NKAIN2: variants seen among roughly 807,000 people sequenced by gnomAD.
NKAIN2 encodes the protein sodium/potassium transporting ATPase interacting 2, also known as sodium/potassium-transporting ATPase subunit beta-1-interacting protein 2.
NKAIN2 carries 14 observed loss-of-function variants against 32.6 expected under a neutral mutation model. That is an observed-to-expected ratio of 0.43 (90% CI 0.28 to 0.67). NKAIN2 has a LOEUF of 0.67. Ranked by LOEUF, NKAIN2 falls within the 30% of genes least tolerant of loss-of-function variation. The pLI, the probability that NKAIN2 is intolerant of heterozygous loss-of-function variation, is 0.17. For missense variants in NKAIN2, 198 were observed against 258.3 expected, an observed-to-expected ratio of 0.77 and a Z score of 1.60; for synonymous variants, 80 against 87.2, an observed-to-expected ratio of 0.92 and a Z score of 0.46.
At chr6:124,531,716 G>T (rs982471878) in intron 3 of NKAIN2, among the ~76,000 whole-genome samples, 3 of 151,938 alleles carry the variant, frequency 2.0e-5, no homozygotes, top group Non-Finnish European at 4.4e-5. Context: ...ACTCTGTTGC[G>T]CAGGCTGGAG....
chr6:123,826,322 A>C (rs1295699848), intron 1 of NKAIN2, among the ~76,000 whole-genome samples: 1 of 152,206 alleles, frequency 6.6e-6, no homozygotes, highest in East Asian at 1.9e-4. Flanking sequence ...TTATTAAGAC[A>C]AGATCTGGAG....
intron 1 of NKAIN2, among the ~76,000 whole-genome samples, chr6:124,128,186 A>C (rs144529891): frequency 6.6e-6 from 1 of 152,034 alleles, no homozygotes; most frequent in Non-Finnish European, 1.5e-5. Flanking sequence ...TTTTCTCCTA[A>C]CAAACCAGGT....
Position 124,405,117 on chromosome 6 carries a change from C to T in NKAIN2, c.273+49770C>T, listed in dbSNP as rs115647709. ...CTTACCTGTTCAGTAAAAATGGTTG[C>T]AGATCAGATTGGAAGAATTTTCTAA... On this transcript the variant is annotated intron_variant, in intron 3 of 6. Coordinates refer to ENST00000368417, the MANE Select transcript of NKAIN2 (RefSeq NM_001040214.3). 4.6e-3 allele frequency among the ~76,000 whole-genome samples: 699 copies of T among 152,230 alleles called. 3 individuals carry two copies. Among genetic ancestry groups the T allele is most frequent in the African/African-American group, 0.016 (656 of 41,542 alleles).
At chr6:124,223,821 T>TA (rs1241468708) in intron 1 of NKAIN2, among the ~76,000 whole-genome samples, 3 of 152,184 alleles carry the variant, frequency 2.0e-5, no homozygotes, top group African/African-American at 7.2e-5. Flanking sequence ...TTGAGATAGT[T>TA]ACCACCTATT....
At chr6:124,351,004 T>A (rs1798701442) in intron 2 of NKAIN2, among the ~76,000 whole-genome samples, 1 of 151,908 alleles carries the variant, frequency 6.6e-6, no homozygotes, top group African/African-American at 2.4e-5. Context: ...AGTAAATAAA[T>A]AAATAAAAAT....
intron 1 of NKAIN2, among the ~76,000 whole-genome samples, chr6:124,240,253 A>G (rs765655018): frequency 2.8e-4 from 42 of 152,190 alleles, no homozygotes; most frequent in Non-Finnish European, 5.3e-4. Flanking sequence ...GCAGTAATTA[A>G]TAGCCTATTA....
At chr6:124,158,542 A>C (rs1460374578) in intron 1 of NKAIN2, among the ~76,000 whole-genome samples, 1 of 152,172 alleles carries the variant, frequency 6.6e-6, no homozygotes, top group Admixed American at 6.5e-5. Context: ...TGTTACTAAA[A>C]TCTGTAAAGT....
intron 3 of NKAIN2, among the ~76,000 whole-genome samples, chr6:124,504,976 T>C (rs1196998217): frequency 1.3e-5 from 2 of 152,166 alleles, no homozygotes; most frequent in Non-Finnish European, 2.9e-5. Flanking sequence ...GCAGACACAT[T>C]TCACTACAGG....
chr6:124,193,338 C>T lies in NKAIN2; in HGVS notation c.55-89667C>T, dbSNP rs575021154. Among the ~76,000 whole-genome samples, 8 of 152,276 alleles carry T rather than the reference C, an allele frequency of 5.3e-5. No individual in the cohort carries two copies. The South Asian group carries it at 1.5e-3, about 28-fold the overall frequency. On this transcript the variant is annotated intron_variant, in intron 1 of 6. Coordinates refer to ENST00000368417, the MANE Select transcript of NKAIN2 (RefSeq NM_001040214.3). Reference sequence around the variant, plus strand: ...GAGCGAGCATGTGGTCTGGCCACTGCCCATAGCCAGGTATGCTGGCTGCAG... The same window carrying T: ...GAGCGAGCATGTGGTCTGGCCACTGTCCATAGCCAGGTATGCTGGCTGCAG...
At chr6:124,717,204 A>G (rs569656055) in intron 4 of NKAIN2, among the ~76,000 whole-genome samples, 2 of 152,360 alleles carry the variant, frequency 1.3e-5, no homozygotes, top group East Asian at 3.9e-4. Context: ...ATAATGTTCT[A>G]AGATAAATTA....
chr6:124,036,286 T>G (rs113517832), intron 1 of NKAIN2, among the ~76,000 whole-genome samples: 4,233 of 152,234 alleles, frequency 0.028, 106 homozygotes, highest in African/African-American at 0.075. Context: ...ATTTGAGTTA[T>G]GTATTTTGGT....
At chr6:124,680,644 A>G (rs1773576303) in intron 4 of NKAIN2, among the ~76,000 whole-genome samples, 1 of 152,112 alleles carries the variant, frequency 6.6e-6, no homozygotes, top group African/African-American at 2.4e-5. Context: ...ATATATGCAT[A>G]TGAAAAATAA....
At chr6:124,224,786 A>G (rs1792020015) in intron 1 of NKAIN2, among the ~76,000 whole-genome samples, 1 of 152,136 alleles carries the variant, frequency 6.6e-6, no homozygotes. Context: ...CCACTTTTCT[A>G]AAATTCCACA....
At chr6:124,477,902 A>G (rs1777295280) in intron 3 of NKAIN2, among the ~76,000 whole-genome samples, 1 of 149,218 alleles carries the variant, frequency 6.7e-6, no homozygotes, top group South Asian at 2.1e-4. Context: ...ATTTTCTCCA[A>G]TTATCTGGTC....
chr6:124,067,699 A>G (rs1380413509), intron 1 of NKAIN2, among the ~76,000 whole-genome samples: 1 of 152,136 alleles, frequency 6.6e-6, no homozygotes, highest in Non-Finnish European at 1.5e-5. Context: ...ATGATAATAT[A>G]CTACCCCTGG....
intron 4 of NKAIN2, among the ~76,000 whole-genome samples, chr6:124,739,781 T>A (rs557394106): frequency 4.6e-5 from 7 of 151,968 alleles, no homozygotes; most frequent in African/African-American, 1.7e-4. Flanking sequence ...ACAACACACT[T>A]CATGATTCAA....
At chr6:124,550,139 T>C (rs1780236660) in intron 3 of NKAIN2, among the ~76,000 whole-genome samples, 1 of 152,228 alleles carries the variant, frequency 6.6e-6, no homozygotes, top group African/African-American at 2.4e-5. Context: ...AAAGAAGAGA[T>C]ATCATTTCTC....
chr6:124,152,444 A>G (rs1277381486), intron 1 of NKAIN2, among the ~76,000 whole-genome samples: 1 of 151,916 alleles, frequency 6.6e-6, no homozygotes, highest in East Asian at 1.9e-4. Context: ...AAATCAAAAC[A>G]ATAAATAATA....
intron 1 of NKAIN2, among the ~76,000 whole-genome samples, chr6:124,227,324 G>A (rs749348065): frequency 2.6e-5 from 4 of 152,046 alleles, no homozygotes; most frequent in Non-Finnish European, 5.9e-5. Flanking sequence ...CTATGAAATG[G>A]TTCATGGGTA....
Sources: allele counts gnomAD v4.1 joint callset (sites outside exome capture counted in the v4.1 genomes callset), GRCh38; gene constraint gnomAD v4.1.1; transcripts MANE v1.5; gene names NCBI Gene and HGNC (gene_info 2026-07-23, HGNC 2026-07-21).